Variants in DMD observed in about 807,000 individuals in gnomAD.
The protein encoded by DMD is mutant dystrophin.
Under a neutral mutation model 330.1 loss-of-function variants are expected in DMD, and 63 were observed. The observed-to-expected ratio is 0.19, with a 90% CI of 0.16 to 0.24. The LOEUF (loss-of-function observed/expected upper bound fraction) is 0.24, where lower values mean the gene tolerates loss of function less well. Among genes scored for constraint, DMD ranks in the 10% least tolerant of loss-of-function variants. The pLI is 1.00. For missense variants in DMD, 3,344 were observed against 2,684.1 expected (o/e 1.25, Z -5.43); for synonymous variants, 1,223 against 959.8 (o/e 1.27, Z -5.07).
At chrX:32,124,209 C>T (rs1408503860) in intron 44 of DMD, among the ~76,000 whole-genome samples, 2 of 112,571 alleles carry the variant, frequency 1.8e-5, no homozygotes, top group East Asian at 2.8e-4. Context: ...ATTTACTCAT[C>T]GCAATACCTC....
intron 63 of DMD, among the ~76,000 whole-genome samples, chrX:31,242,291 A>AC (rs2048401253): frequency 9.5e-6 from 1 of 105,146 alleles, no homozygotes; most frequent in Non-Finnish European, 1.9e-5. Flanking sequence ...AAAAAAAAAA[A>AC]TCTGGAGTAG....
At chrX:33,161,137 A>AT (rs200069358) in intron 1 of DMD, among the ~76,000 whole-genome samples, 2,605 of 112,061 alleles carry the variant, frequency 0.023, 53 homozygotes, top group African/African-American at 0.078. Flanking sequence ...AGATGAGGAA[A>AT]TTGAGTCTCA....
chrX:32,471,265 T>C (rs969868103), intron 22 of DMD, among the ~76,000 whole-genome samples: 1 of 111,735 alleles, frequency 8.9e-6, no homozygotes, highest in Non-Finnish European at 1.9e-5. Context: ...GCAACAAGAA[T>C]GAAACTCCGT....
chrX:32,015,263 T>G (rs181846295), intron 44 of DMD, among the ~76,000 whole-genome samples: 1 of 111,741 alleles, frequency 8.9e-6, no homozygotes, highest in African/African-American at 3.3e-5. Context: ...TAAGAATCAC[T>G]TGGAGACCTT....
At chrX:31,570,909 C>T (rs1399446040) in intron 55 of DMD, among the ~76,000 whole-genome samples, 1 of 111,618 alleles carries the variant, frequency 9.0e-6, no homozygotes, top group African/African-American at 3.3e-5. Context: ...CAATGGTTAA[C>T]CATAATTTAG....
At chrX:31,383,365 G>C (rs1392806578) in intron 60 of DMD, among the ~76,000 whole-genome samples, 1 of 112,376 alleles carries the variant, frequency 8.9e-6, no homozygotes, top group Admixed American at 9.5e-5. Context: ...ACACGGACGC[G>C]AGTGAAAGTT....
intron 60 of DMD, among the ~76,000 whole-genome samples, chrX:31,434,807 A>G (rs2064392391): frequency 8.9e-6 from 1 of 112,106 alleles, no homozygotes; most frequent in South Asian, 3.7e-4. Context: ...CTCTGAGTTA[A>G]ACAGGCAATT....
intron 37 of DMD, among the ~76,000 whole-genome samples, chrX:32,353,029 A>G (rs1267729054): frequency 1.8e-5 from 2 of 111,185 alleles, no homozygotes; most frequent in Non-Finnish European, 3.8e-5. Context: ...ATCAATCGGT[A>G]GTTTTAGAAC....
intron 60 of DMD, among the ~76,000 whole-genome samples, chrX:31,351,175 C>CACAA (rs1556546012): frequency 5.4e-5 from 6 of 110,954 alleles, no homozygotes; most frequent in Non-Finnish European, 9.4e-5. Context: ...CACACACACA[C>CACAA]ACACATATAC....
chrX:31,838,270 T>C (rs1214307884), intron 48 of DMD, among the ~76,000 whole-genome samples: 1 of 111,448 alleles, frequency 9.0e-6, no homozygotes, highest in Non-Finnish European at 1.9e-5. Flanking sequence ...CAAAATACTT[T>C]AAGAGAAAAT....
chrX:32,300,186 A>G (rs2097516677), intron 42 of DMD, among the ~76,000 whole-genome samples: 1 of 111,921 alleles, frequency 8.9e-6, no homozygotes, highest in Non-Finnish European at 1.9e-5. Context: ...TGAAAATCCA[A>G]TTTGAATTCA....
intron 44 of DMD, among the ~76,000 whole-genome samples, chrX:32,158,241 A>G (rs966254446): frequency 9.0e-6 from 1 of 111,256 alleles, no homozygotes; most frequent in Admixed American, 9.6e-5. Flanking sequence ...TCAAAATTTA[A>G]TGTGATACAA....
At chrX:32,565,986 A>C in intron 15 of DMD, 105 bp from the exon 16 acceptor site, 1 of 722,377 alleles carries the variant, frequency 1.4e-6, no homozygotes. Context: ...TAGATAAGAA[A>C]ATATTTCAAT....
intron 16 of DMD, among the ~76,000 whole-genome samples, chrX:32,558,385 G>T (rs563145491): frequency 8.0e-5 from 9 of 111,816 alleles, no homozygotes; most frequent in African/African-American, 2.9e-4. Flanking sequence ...ATCAAGTATA[G>T]GCTTAGGAAA....
At chrX:31,365,735 G>A (rs757417729) in intron 60 of DMD, among the ~76,000 whole-genome samples, 4 of 112,649 alleles carry the variant, frequency 3.6e-5, no homozygotes, top group Non-Finnish European at 7.5e-5. Flanking sequence ...TCTAACATGA[G>A]TTTTCCATCA....
chrX:31,619,029 C>A (rs930435956), intron 55 of DMD, among the ~76,000 whole-genome samples: 1 of 111,198 alleles, frequency 9.0e-6, no homozygotes, highest in African/African-American at 3.3e-5. Flanking sequence ...GATGGTATTA[C>A]ATCATGCAAG....
intron 61 of DMD, among the ~76,000 whole-genome samples, chrX:31,342,052 T>C (rs759476807): frequency 1.1e-4 from 12 of 111,150 alleles, no homozygotes; most frequent in Non-Finnish European, 2.3e-4. Context: ...TTGTTGGTTG[T>C]AAGTCATTAA....
intron 55 of DMD, among the ~76,000 whole-genome samples, chrX:31,538,184 T>G (rs1218201819): frequency 8.9e-6 from 1 of 112,216 alleles, no homozygotes; most frequent in Non-Finnish European, 1.9e-5. Context: ...GCTGAGAGGA[T>G]CTTTCTTCCC....
At chrX:31,959,978 C>T (rs912602546) in intron 45 of DMD, among the ~76,000 whole-genome samples, 1 of 108,869 alleles carries the variant, frequency 9.2e-6, no homozygotes, top group African/African-American at 3.3e-5. Flanking sequence ...AGGCTGGTCT[C>T]GAAATCCTGA....
Sources: gnomAD v4.1 joint callset for allele counts (sites outside exome capture counted in the v4.1 genomes callset) on GRCh38, gnomAD v4.1.1 for gene constraint, MANE v1.5 for transcripts, NCBI Gene and HGNC (gene_info 2026-07-23, HGNC 2026-07-21) for gene names.